The following KCTD16 variants were observed in gnomAD, a reference collection of about 807,000 sequenced individuals.
The protein encoded by KCTD16 is BTB/POZ domain-containing protein KCTD16.
Under a neutral mutation model 33.2 loss-of-function variants are expected in KCTD16, and 13 were observed. The observed-to-expected ratio is 0.39, with a 90% CI of 0.25 to 0.62. The LOEUF (loss-of-function observed/expected upper bound fraction) is 0.62, where lower values mean the gene tolerates loss of function less well. Ranked by LOEUF, KCTD16 falls within the 20% of genes least tolerant of loss-of-function variation. KCTD16 has a pLI of 0.50. For missense variants in KCTD16, 441 were observed against 525.1 expected (o/e 0.84, Z 1.57); for synonymous variants, 197 against 195.3 (o/e 1.01, Z -0.07).
chr5:144,211,825 C>G (rs1231798574), intron 3 of KCTD16, among the ~76,000 whole-genome samples: 1 of 152,124 alleles, frequency 6.6e-6, no homozygotes, highest in Non-Finnish European at 1.5e-5. Flanking sequence ...ACACTACCAG[C>G]ATCTCTCTCT....
intron 3 of KCTD16, among the ~76,000 whole-genome samples, chr5:144,282,276 T>A (rs1445715711): frequency 6.6e-6 from 1 of 152,180 alleles, no homozygotes; most frequent in African/African-American, 2.4e-5. Flanking sequence ...AGGGCTTCCA[T>A]ATAGCTAAAC....
At chr5:144,248,804 T>C (rs1346247615) in intron 3 of KCTD16, among the ~76,000 whole-genome samples, 1 of 152,132 alleles carries the variant, frequency 6.6e-6, no homozygotes, top group Non-Finnish European at 1.5e-5. Context: ...GAGGGAAGGC[T>C]GTGGGGGCAG....
At chr5:144,414,366 T>G (rs924808434) in intron 3 of KCTD16, among the ~76,000 whole-genome samples, 3 of 152,174 alleles carry the variant, frequency 2.0e-5, no homozygotes, top group Non-Finnish European at 4.4e-5. Context: ...TCCTTCAGAG[T>G]GCACTAAGAG....
intron 3 of KCTD16, among the ~76,000 whole-genome samples, chr5:144,373,698 G>A (rs550132725): frequency 1.3e-5 from 2 of 152,272 alleles, no homozygotes; most frequent in South Asian, 4.1e-4. Context: ...GAGAAATCTT[G>A]TATAAATATC....
intron 3 of KCTD16, among the ~76,000 whole-genome samples, chr5:144,413,714 G>T (rs747608639): frequency 6.6e-6 from 1 of 152,160 alleles, no homozygotes; most frequent in Non-Finnish European, 1.5e-5. Context: ...TCATATCTCC[G>T]TGGTCAGGAT....
intron 2 of KCTD16, among the ~76,000 whole-genome samples, chr5:144,198,079 T>C (rs1752971727): frequency 6.6e-6 from 1 of 152,184 alleles, no homozygotes; most frequent in Admixed American, 6.5e-5. Flanking sequence ...GTCAGCTTAT[T>C]TCTCTCGGAC....
At chr5:144,175,607 T>C (rs1580766702) in intron 2 of KCTD16, among the ~76,000 whole-genome samples, 1 of 152,222 alleles carries the variant, frequency 6.6e-6, no homozygotes, top group Non-Finnish European at 1.5e-5. Flanking sequence ...TGATATTGCA[T>C]AGTAGTTAAG....
At chr5:144,404,335 A>T (rs1752766938) in intron 3 of KCTD16, among the ~76,000 whole-genome samples, 1 of 152,112 alleles carries the variant, frequency 6.6e-6, no homozygotes, top group East Asian at 1.9e-4. Context: ...AATAAATATC[A>T]ATTAATATTG....
intron 3 of KCTD16, among the ~76,000 whole-genome samples, chr5:144,372,429 A>C (rs1751989308): frequency 6.6e-6 from 1 of 152,204 alleles, no homozygotes; most frequent in Non-Finnish European, 1.5e-5. Flanking sequence ...TACACGGAAG[A>C]TAGTGTTTTC....
At chr5:144,353,477 C>A (rs2126909750) in intron 3 of KCTD16, among the ~76,000 whole-genome samples, 1 of 152,220 alleles carries the variant, frequency 6.6e-6, no homozygotes, top group Admixed American at 6.5e-5. Flanking sequence ...AATCTTCAAG[C>A]CTCATTATCT....
At chr5:144,363,284 G>A (rs528621168) in intron 3 of KCTD16, among the ~76,000 whole-genome samples, 1 of 152,278 alleles carries the variant, frequency 6.6e-6, no homozygotes, top group Admixed American at 6.5e-5. Context: ...AGAGGCTGCA[G>A]TGAGCCAAGA....
intron 3 of KCTD16, among the ~76,000 whole-genome samples, chr5:144,323,820 A>G (rs1752136451): frequency 6.6e-6 from 1 of 152,148 alleles, no homozygotes. Context: ...TGGGCATTAG[A>G]TCAGCCCTAT....
intron 3 of KCTD16, among the ~76,000 whole-genome samples, chr5:144,465,866 G>A (rs1580986187): frequency 6.8e-6 from 1 of 147,474 alleles, no homozygotes; most frequent in Non-Finnish European, 1.5e-5. Flanking sequence ...TTGTAGACCG[G>A]TTGCTCTTGT....
chr5:144,214,759 T>C (rs1361304531), intron 3 of KCTD16, among the ~76,000 whole-genome samples: 1 of 152,140 alleles, frequency 6.6e-6, no homozygotes, highest in Non-Finnish European at 1.5e-5. Context: ...CCCCTTATCT[T>C]TGCCTCTTAA....
intron 3 of KCTD16, among the ~76,000 whole-genome samples, chr5:144,225,552 TTGTGTGTGTGTGTGTGTGTGTGTG>T (rs10550980): frequency 7.2e-6 from 1 of 138,226 alleles, no homozygotes; most frequent in Non-Finnish European, 1.6e-5. Flanking sequence ...CAAAAATAAA[TTGTGTGTGTGTGTGTGTGTGTGTG>T]TGTGTGTGTG....
chr5:144,441,619 A>T (rs1316121848), intron 3 of KCTD16, among the ~76,000 whole-genome samples: 1 of 152,102 alleles, frequency 6.6e-6, no homozygotes, highest in Non-Finnish European at 1.5e-5. Flanking sequence ...CGTACTGAGA[A>T]TCAGTGACTA....
At chr5:144,319,348 C>A (rs1291490915) in intron 3 of KCTD16, among the ~76,000 whole-genome samples, 1 of 152,124 alleles carries the variant, frequency 6.6e-6, no homozygotes, top group African/African-American at 2.4e-5. Flanking sequence ...TCTCTGCTAC[C>A]AAACCCATGC....
intron 3 of KCTD16, among the ~76,000 whole-genome samples, chr5:144,299,072 A>ATATATATATATATATTTT (rs1491103244): frequency 3.1e-4 from 18 of 57,432 alleles, no homozygotes; most frequent in Non-Finnish European, 4.7e-4. Context: ...ATATATATAT[A>ATATATATATATATATTTT]TTTTTGTATA....
intron 3 of KCTD16, among the ~76,000 whole-genome samples, chr5:144,245,321 G>A (rs572877947): frequency 6.6e-6 from 1 of 152,278 alleles, no homozygotes; most frequent in South Asian, 2.1e-4. Context: ...TGTATAATGA[G>A]GGAATAGAGG....
Sources: gnomAD v4.1 joint callset for allele counts (sites outside exome capture counted in the v4.1 genomes callset) on GRCh38, gnomAD v4.1.1 for gene constraint, MANE v1.5 for transcripts, NCBI Gene and HGNC (gene_info 2026-07-23, HGNC 2026-07-21) for gene names.